The following MORC4 variants were observed in gnomAD, a reference collection of about 807,000 sequenced individuals.
The protein encoded by MORC4 is MORC family CW-type zinc finger 4.
A neutral mutation model predicts 65.5 loss-of-function variants in MORC4; 22 were observed. The ratio of observed to expected loss-of-function variants is 0.34; its 90% CI spans 0.24 to 0.48. The LOEUF (loss-of-function observed/expected upper bound fraction) is 0.48, where lower values mean the gene tolerates loss of function less well. Ranked by LOEUF, MORC4 falls within the 20% of genes least tolerant of loss-of-function variation. The pLI is 0.99. For missense variants in MORC4, 624 were observed against 703.0 expected, an observed-to-expected ratio of 0.89 and a Z score of 1.27; for synonymous variants, 267 against 255.8, an observed-to-expected ratio of 1.04 and a Z score of -0.42.
At position 106,999,847 on chromosome X, in the gene MORC4, C is replaced by T. The variant is rs1471714924; in HGVS notation, c.102+21G>A. 6 of 840,514 alleles carry T rather than the reference C, an allele frequency of 7.1e-6. No homozygotes were observed. The African/African-American group carries it at 9.0e-5, about 13-fold the overall frequency. 69.3% of individuals were successfully genotyped at this position (840,514 alleles called of 1,213,427 possible). ...CCCAGGGGCCCGCGCGCGCGTCCGCCCCCTCGGGCCCCGGACCTACCGTGC... is the reference window on the plus strand; with the variant it reads ...CCCAGGGGCCCGCGCGCGCGTCCGCTCCCTCGGGCCCCGGACCTACCGTGC... On this transcript the variant is annotated intron_variant, in intron 1 of 16. Transcript: ENST00000355610.
In MORC4 at chrX:106,941,447, A is replaced by G. The variant is rs1933676201; in HGVS notation, c.*32T>C. On this transcript the variant is annotated 3_prime_UTR_variant, in exon 17 of 17. Coordinates refer to ENST00000355610, the MANE Select transcript of MORC4 (RefSeq NM_024657.5). ...GGAGAGAAAAGAGAACAGACAGAAG[A>G]TAAGAGAAGAGAAGGGTATACAGTC... 3 of 1,133,396 alleles carry G rather than the reference A, an allele frequency of 2.6e-6. No homozygotes were observed. Among genetic ancestry groups the G allele is most frequent in the Non-Finnish European group, 3.6e-6 (3 of 839,143 alleles). The allele number at this position is 1,133,396 out of a possible 1,213,427, so 93.4% of individuals were successfully genotyped here.
chrX:106,986,980 C>T (rs974182029), intron 3 of MORC4, among the ~76,000 whole-genome samples: 13 of 111,554 alleles, frequency 1.2e-4, no homozygotes, highest in African/African-American at 3.9e-4. Context: ...TTCAGGTACA[C>T]ACCAAAATAA....
chrX:106,967,815 T>C (rs1934410728), intron 9 of MORC4, among the ~76,000 whole-genome samples: 1 of 112,059 alleles, frequency 8.9e-6, no homozygotes, highest in Non-Finnish European at 1.9e-5. Flanking sequence ...TATGGGACTA[T>C]GTGAAAAGAC....
chrX:106,977,663 C>G (rs1163948203), intron 8 of MORC4, among the ~76,000 whole-genome samples: 1 of 110,965 alleles, frequency 9.0e-6, no homozygotes, highest in African/African-American at 3.3e-5. Flanking sequence ...ACAATTTATC[C>G]AAGGTTACAC....
At chrX:106,948,760 G>A (rs1933907242) in intron 14 of MORC4, among the ~76,000 whole-genome samples, 2 of 111,433 alleles carry the variant, frequency 1.8e-5, no homozygotes, top group South Asian at 7.5e-4. Flanking sequence ...TCATCACGCT[G>A]CCTTCTTGTT....
chrX:106,955,164 G>T, intron 13 of MORC4, 76 bp from the exon 14 acceptor site: 1 of 770,872 alleles, frequency 1.3e-6, no homozygotes, highest in African/African-American at 2.1e-5. Flanking sequence ...TCCTTCTGAT[G>T]CTAGGAAAGA....
chrX:106,985,113 G>A lies in MORC4; in HGVS notation c.657C>T (p.Leu219=). 5 of 1,201,881 alleles carry A rather than the reference G, an allele frequency of 4.2e-6. No individual in the cohort carries two copies. The highest frequency in any genetic ancestry group is 5.6e-6 in the Non-Finnish European group (5 of 889,845). Residue 219 remains leucine, a synonymous_variant, in exon 5 of 17, where the codon CTC becomes CTT. Transcript: ENST00000355610. ...AIPGKKGTRV[L]IWNIRRNKNG... Reference sequence around the variant, plus strand: ...TACTATACCTGCGGATGTTCCAAATGAGAACACGAGTGCCTTTTTTGCCTG... The same window carrying A: ...TACTATACCTGCGGATGTTCCAAATAAGAACACGAGTGCCTTTTTTGCCTG...
Position 106,978,128 on chromosome X carries a change from A to G in MORC4, c.1008T>C (p.His336=), listed in dbSNP as rs760926682. The change falls in exon 8 of 17, where the codon CAT becomes CAC. Residue 336 remains histidine, a synonymous_variant. Coordinates refer to ENST00000355610, the MANE Select transcript of MORC4 (RefSeq NM_024657.5). ...CAAAAGATTTTATGAGTCGGTTGTT[A>G]TGATACATCATTATTCCAAACTGGT... ...NSNQFGIMMY[H]NNRLIKSFEK... 2.7e-5 allele frequency: 32 copies of G among 1,206,230 alleles called. No individual in the cohort carries two copies. Among genetic ancestry groups the G allele is most frequent in the Admixed American group, 8.8e-5 (4 of 45,554 alleles).
chrX:106,970,690 C>T (rs1289351564), intron 9 of MORC4, among the ~76,000 whole-genome samples: 2 of 111,293 alleles, frequency 1.8e-5, no homozygotes, highest in African/African-American at 6.5e-5. Flanking sequence ...AAAAACAGAG[C>T]CAAATCATGA....
intron 3 of MORC4, among the ~76,000 whole-genome samples, chrX:106,988,686 G>A (rs1372850064): frequency 8.9e-6 from 1 of 112,103 alleles, no homozygotes; most frequent in Non-Finnish European, 1.9e-5. Context: ...CTATAGCTCA[G>A]TAATAATTTT....
chrX:106,979,296 A>C (rs979121764), intron 7 of MORC4, among the ~76,000 whole-genome samples: 1 of 110,733 alleles, frequency 9.0e-6, no homozygotes, highest in African/African-American at 3.3e-5. Context: ...TTCATATAAA[A>C]CCTCAAATAA....
intron 7 of MORC4, 116 bp from the exon 8 acceptor site, chrX:106,978,315 T>C: frequency 1.5e-6 from 1 of 683,999 alleles, no homozygotes; most frequent in Non-Finnish European, 2.1e-6. Flanking sequence ...TACAACCTTT[T>C]TGCGGGCATT....
intron 5 of MORC4, 132 bp from the exon 6 acceptor site, chrX:106,981,609 G>A: frequency 3.8e-6 from 2 of 529,027 alleles, no homozygotes; most frequent in East Asian, 3.6e-5. Flanking sequence ...CTGACTACCA[G>A]TGCAAAGGAA....
At chrX:106,960,104 A>G (rs945408808) in intron 10 of MORC4, among the ~76,000 whole-genome samples, 1 of 111,757 alleles carries the variant, frequency 8.9e-6, no homozygotes, top group African/African-American at 3.3e-5. Context: ...GTGTCTATAT[A>G]TTTCTAGACA....
rs750475609 is a variant in MORC4, at chrX:106,942,563, T to G, written c.2328A>C (p.Thr776=). 3.3e-6 allele frequency: 4 copies of G among 1,209,423 alleles called. No individual in the cohort carries two copies. In the African/African-American group the frequency reaches 7.0e-5, roughly 21 times the overall value. The change falls in exon 15 of 17, where the codon ACA becomes ACC. Residue 776 remains threonine (T), a synonymous_variant. Transcript: ENST00000355610. ...CAGCCAAAACACGTTCCAATTTTTC[T>G]GTGGTTCTCTTCAATTCTTCCAGCT... ...QRELEELKRT[T]EKLERVLAER...
rs146759137 is a variant in MORC4 at position 106,943,061 on chromosome X, G to C, written c.1830C>G (p.Asn610Lys). The stretch of plus-strand genomic sequence containing the variant: ...TCTCAGAACTCGATTTATCATGGCT[G>C]TTCTCCCCTTCTGGGTAGGCAACAG... ...EAPVAYPEGENSHDKSSSERS... is the reference protein window; with the variant it reads ...EAPVAYPEGEKSHDKSSSERS... Residue 610 changes from asparagine (N) to lysine (K), a missense_variant, in exon 15 of 17, where the codon AAC (asparagine) becomes AAG (lysine). By Grantham distance (94) the Asn-to-Lys change is moderately conservative. Transcript: ENST00000355610. 44 of 1,209,655 alleles carry C rather than the reference G, an allele frequency of 3.6e-5. No homozygotes were observed. The highest frequency in any genetic ancestry group is 4.4e-5 in the Non-Finnish European group (39 of 895,065).
At chrX:106,963,519 A>G (rs1286709056) in intron 9 of MORC4, among the ~76,000 whole-genome samples, 1 of 111,923 alleles carries the variant, frequency 8.9e-6, no homozygotes, top group African/African-American at 3.3e-5. Flanking sequence ...CAAATATTGC[A>G]ATTCTATCCT....
chrX:106,964,510 C>G (rs758897266), intron 9 of MORC4, among the ~76,000 whole-genome samples: 1 of 111,184 alleles, frequency 9.0e-6, no homozygotes, highest in African/African-American at 3.3e-5. Context: ...ATGAAAGACA[C>G]GAATATAAAC....
intron 11 of MORC4, 97 bp from the exon 12 acceptor site, chrX:106,957,101 A>C (rs1934127759): frequency 2.1e-6 from 1 of 470,456 alleles, no homozygotes; most frequent in African/African-American, 2.4e-5. Context: ...ACAACTCTCT[A>C]ACATTACAGA....
Sources: allele counts gnomAD v4.1 joint callset (sites outside exome capture counted in the v4.1 genomes callset), GRCh38; gene constraint gnomAD v4.1.1; transcripts MANE v1.5; gene names NCBI Gene and HGNC (gene_info 2026-07-23, HGNC 2026-07-21).